The following FREM1 variants were observed in gnomAD, a reference collection of about 807,000 sequenced individuals.
FREM1 encodes FRAS1-related extracellular matrix protein 1.
FREM1 carries 220 observed loss-of-function variants against 210.1 expected under a neutral mutation model. That is an observed-to-expected ratio of 1.05 (90% confidence interval 0.94 to 1.17). FREM1 has a LOEUF of 1.17. Ranked by LOEUF, FREM1 falls within the 50% of genes most tolerant of loss-of-function variation. The pLI is 0.00. For missense variants in FREM1, 3,454 were observed against 2,675.5 expected (o/e 1.29, Z -6.42); for synonymous variants, 1,189 against 980.2 (o/e 1.21, Z -3.98).
intron 21 of FREM1, 122 bp from the exon 22 acceptor site, chr9:14,793,006 A>G: frequency 1.6e-6 from 1 of 630,148 alleles, no homozygotes; most frequent in Non-Finnish European, 2.6e-6. Flanking sequence ...TTCAATATTC[A>G]AAGCACTGAA....
intron 17 of FREM1, 60 bp downstream of exon 17, chr9:14,807,880 G>T: frequency 8.7e-7 from 1 of 1,153,456 alleles, no homozygotes; most frequent in Non-Finnish European, 1.2e-6. Context: ...TTATTTCACT[G>T]AACCACAGGT....
chr9:14,806,927 A>C, intron 17 of FREM1, 81 bp from the exon 18 acceptor site: 4 of 808,020 alleles, frequency 5.0e-6, no homozygotes, highest in Non-Finnish European at 7.4e-6. Flanking sequence ...CAGTGACTGA[A>C]ATTCTAGTTC....
intron 3 of FREM1, among the ~76,000 whole-genome samples, chr9:14,860,560 CAT>C (rs1352930508): frequency 9.7e-6 from 1 of 102,588 alleles, no homozygotes; most frequent in Non-Finnish European, 1.8e-5. Context: ...TATATACACA[CAT>C]ATATATACAC....
intron 29 of FREM1, among the ~76,000 whole-genome samples, chr9:14,753,608 C>T (rs564679742): frequency 3.9e-5 from 6 of 152,288 alleles, no homozygotes; most frequent in South Asian, 2.1e-4. Flanking sequence ...CCACTGTCTT[C>T]GGTTTTTCAC....
chr9:14,749,584 C>T (rs891724522), intron 30 of FREM1, among the ~76,000 whole-genome samples: 4 of 152,174 alleles, frequency 2.6e-5, no homozygotes, highest in African/African-American at 9.7e-5. Context: ...TTATTTAGTT[C>T]ACAGGTTGTT....
In FREM1 at chr9:14,746,909, A is replaced by G. The variant is rs374903635; in HGVS notation, c.6138+14T>C. 44 of 1,610,850 alleles carry G rather than the reference A, an allele frequency of 2.7e-5. No homozygotes were observed. The highest frequency in any genetic ancestry group is 5.4e-5 in the African/African-American group (4 of 74,760). ...TGCGAATAAAGGTGCTTGGCTGCTC[A>G]GCCTGCCTCCTACCTTGGTTTGGGG... is the stretch of plus-strand genomic sequence containing the variant. On this transcript the variant is annotated intron_variant, in intron 34 of 36. Transcript: ENST00000380880.
rs1178221173 is a variant in FREM1, at chr9:14,824,720, T to C, written c.2078+76A>G. 1.5e-5 allele frequency: 14 copies of C among 916,886 alleles called. No homozygotes were observed. The South Asian group carries it at 2.0e-4, about 13-fold the overall frequency. The allele number at this position is 916,886 out of a possible 1,614,324, so 56.8% of individuals were successfully genotyped here. On this transcript the variant is annotated intron_variant, in intron 11 of 36. Coordinates refer to ENST00000380880, the MANE Select transcript of FREM1 (RefSeq NM_001379081.2). ...CAAGTAAACCACAGTACTATATATA[T>C]ATATATTGCTCTATATTGACACTTT...
rs1302581842 is a variant in FREM1 at position 14,789,012 on chromosome 9, G to C, written c.4084C>G (p.Gln1362Glu). 1 of 1,612,220 alleles carries C rather than the reference G, an allele frequency of 6.2e-7. No individual in the cohort carries two copies. The highest frequency in any genetic ancestry group is 8.5e-7 in the Non-Finnish European group (1 of 1,179,298). Residue 1362 changes from glutamine to glutamate, a missense_variant, in exon 23 of 37, where the codon CAG becomes GAG. Coordinates refer to ENST00000380880, the MANE Select transcript of FREM1 (RefSeq NM_001379081.2). ...TAGAAGGTGAAGCTATCTTGATTCT[G>C]GGAATCCATTGCCCCGGTGTGTGTG... The part of the protein sequence containing the change: ...RYTHTGAMDS[Q>E]NQDSFTFYLW...
At chr9:14,800,859 A>C (rs754938777) in intron 20 of FREM1, among the ~76,000 whole-genome samples, 1 of 152,142 alleles carries the variant, frequency 6.6e-6, no homozygotes, top group South Asian at 2.1e-4. Flanking sequence ...TCTGTGATGT[A>C]TTATTACCTT....
intron 8 of FREM1, among the ~76,000 whole-genome samples, chr9:14,843,530 G>A (rs550831660): frequency 6.6e-6 from 1 of 152,030 alleles, no homozygotes; most frequent in East Asian, 1.9e-4. Context: ...TAGGCAGATA[G>A]ATACATACAT....
intron 7 of FREM1, 85 bp downstream of exon 7, chr9:14,848,580 T>C: frequency 1.5e-6 from 1 of 689,170 alleles, no homozygotes; most frequent in South Asian, 2.8e-5. Context: ...GACATAGGAA[T>C]AAAACTACCT....
chr9:14,900,529 C>T (rs1838594278), intron 1 of FREM1, among the ~76,000 whole-genome samples: 1 of 152,158 alleles, frequency 6.6e-6, no homozygotes, highest in Admixed American at 6.5e-5. Flanking sequence ...CCTCCAAGAA[C>T]AGCACTAGGA....
intron 1 of FREM1, among the ~76,000 whole-genome samples, chr9:14,872,065 CTGTAGCCTTGT>C (rs1832779385): frequency 6.6e-6 from 1 of 152,170 alleles, no homozygotes; most frequent in Non-Finnish European, 1.5e-5. Flanking sequence ...GTTTTGGTTA[CTGTAGCCTTGT>C]TGTATAGTTT....
chr9:14,835,859 C>T (rs1824480230), intron 10 of FREM1, among the ~76,000 whole-genome samples: 1 of 152,200 alleles, frequency 6.6e-6, no homozygotes, highest in African/African-American at 2.4e-5. Flanking sequence ...TGCTCCAAAA[C>T]TTATCATACA....
At chr9:14,773,229 G>T (rs1355212223) in intron 25 of FREM1, among the ~76,000 whole-genome samples, 1 of 152,202 alleles carries the variant, frequency 6.6e-6, no homozygotes, top group Non-Finnish European at 1.5e-5. Flanking sequence ...GGTTGCATCA[G>T]TTGCAATAAT....
intron 10 of FREM1, 35 bp from the exon 11 acceptor site, chr9:14,825,027 T>C: frequency 1.4e-6 from 2 of 1,465,170 alleles, no homozygotes; most frequent in Non-Finnish European, 1.8e-6. Flanking sequence ...TAATTTGAAA[T>C]ACCAAAAAAA....
intron 19 of FREM1, among the ~76,000 whole-genome samples, chr9:14,803,033 TTTC>T (rs1422489216): frequency 2.9e-5 from 4 of 140,124 alleles, no homozygotes; most frequent in Admixed American, 7.0e-5. Flanking sequence ...CTTCTTTCTC[TTTC>T]TTTTCTTCTT....
intron 1 of FREM1, among the ~76,000 whole-genome samples, chr9:14,899,405 C>G (rs1437513209): frequency 6.6e-6 from 1 of 152,160 alleles, no homozygotes; most frequent in Non-Finnish European, 1.5e-5. Context: ...GTGGAGAATG[C>G]AGGTGGGAGG....
At chr9:14,898,756 A>G (rs901358186) in intron 1 of FREM1, among the ~76,000 whole-genome samples, 2 of 152,146 alleles carry the variant, frequency 1.3e-5, no homozygotes, top group African/African-American at 4.8e-5. Context: ...ACAAAAACAA[A>G]ACATAGAATG....
Sources: gnomAD v4.1 joint callset for allele counts (sites outside exome capture counted in the v4.1 genomes callset) on GRCh38, gnomAD v4.1.1 for gene constraint, MANE v1.5 for transcripts, NCBI Gene and HGNC (gene_info 2026-07-23, HGNC 2026-07-21) for gene names.